Variants in CARS1 observed in about 807,000 individuals in gnomAD.
The protein encoded by CARS1 is cysteine--tRNA ligase, cytoplasmic.
Under a neutral mutation model 106.2 loss-of-function variants are expected in CARS1, and 48 were observed. The observed-to-expected ratio is 0.45, with a 90% CI of 0.36 to 0.57. The LOEUF is 0.57. Among genes scored for constraint, CARS1 ranks in the 20% least tolerant of loss-of-function variants. CARS1 has a pLI of 0.00. For missense variants in CARS1, 968 were observed against 1,057.2 expected, an observed-to-expected ratio of 0.92 and a Z score of 1.17; for synonymous variants, 409 against 403.4, an observed-to-expected ratio of 1.01 and a Z score of -0.17.
intron 7 of CARS1, chr11:3,031,054 G>A (rs1419798302): frequency 6.6e-6 from 1 of 152,202 alleles, no homozygotes; most frequent in African/African-American, 2.4e-5. Context: ...CAACCCAGAG[G>A]AGAGGAGAGA....
Position 3,003,467 on chromosome 11 carries a change from G to A in CARS1, c.2218-867C>T, listed in dbSNP as rs902712054. 5.9e-5 allele frequency among the ~76,000 whole-genome samples: 9 copies of A among 152,206 alleles called. No homozygotes were observed. The highest frequency in any genetic ancestry group is 1.3e-4 in the Non-Finnish European group (9 of 68,026). On this transcript the variant is annotated intron_variant, in intron 20 of 22. Coordinates refer to ENST00000380525, the MANE Select transcript of CARS1 (RefSeq NM_001014437.3). This position sits in a 1 kb window ranked among gnomAD's most constrained non-coding sequence, Gnocchi z 4.8. ...CTGGCCCAGTGGAGCTATCAGGTAG[G>A]CAGCTGGGCAAACTGTTTTTGGGCC...
At chr11:3,010,395 G>A (rs748508465) in intron 18 of CARS1, among the ~76,000 whole-genome samples, 17 of 152,238 alleles carry the variant, frequency 1.1e-4, no homozygotes, top group African/African-American at 7.2e-5. Flanking sequence ...CGACCCCAGC[G>A]ATGCCGCTAA....
intron 2 of CARS1, among the ~76,000 whole-genome samples, chr11:3,047,239 T>C (rs963915962): frequency 7.2e-6 from 1 of 138,512 alleles, no homozygotes; most frequent in African/African-American, 2.8e-5. Context: ...ATCGCACCAC[T>C]GCACTCCAGC....
At position 3,032,723 on chromosome 11, in the gene CARS1, G is replaced by A. The variant is rs545516551; in HGVS notation, c.802-3280C>T. The stretch of plus-strand genomic sequence containing the variant: ...GGCAAAACTACGGAGACAGTAGAAA[G>A]ACTAGCTGCTGTCAGGAGTTGGGGT... On this transcript the variant is annotated intron_variant, in intron 7 of 22. Transcript: ENST00000380525. 1.3e-5 allele frequency among the ~76,000 whole-genome samples: 2 copies of A among 152,144 alleles called. 1 individual carries two copies. Among genetic ancestry groups the A allele is most frequent in the South Asian group, 4.2e-4 (2 of 4,800 alleles).
At chr11:3,005,742 C>T (rs979223396) in intron 19 of CARS1, among the ~76,000 whole-genome samples, 7 of 151,110 alleles carry the variant, frequency 4.6e-5, no homozygotes, top group African/African-American at 1.2e-4. Context: ...AAGCAATTCT[C>T]GTGTCTCAGC....
chr11:3,047,928 G>A lies in CARS1; in HGVS notation c.99C>T (p.Ser33=), dbSNP rs1855276541. The change falls in exon 2 of 23, where the codon AGC becomes AGT. Residue 33 remains serine (S), a synonymous_variant. Coordinates refer to ENST00000380525, the MANE Select transcript of CARS1 (RefSeq NM_001014437.3). ...AGTACCCCTGGACATAGCTACGCGT[G>A]CTGAGGTGCTCGTTCAGGGCTTGTG... ...ARAQALNEHL[S]TRSYVQGYSL... is the part of the protein sequence containing the mutation. The A allele has an allele frequency of 6.2e-7, 1 of 1,614,174 alleles. No individual in the cohort carries two copies.
chr11:3,056,008 C>T (rs926418071), intron 1 of CARS1, among the ~76,000 whole-genome samples: 4 of 152,146 alleles, frequency 2.6e-5, no homozygotes, highest in African/African-American at 9.7e-5. Flanking sequence ...TTCTGAGGGC[C>T]GCTTGGCTCT....
rs59830390 is a variant in CARS1 at position 3,041,809 on chromosome 11, G to GTGCC, written c.366+352_366+355dup. Among the ~76,000 whole-genome samples the GTGCC allele has an allele frequency of 0.041, 6,222 of 152,176 alleles. 428 individuals carry two copies. Among genetic ancestry groups the GTGCC allele is most frequent in the African/African-American group, 0.14 (5,860 of 41,452 alleles). On this transcript the variant is annotated intron_variant, in intron 3 of 22. Coordinates refer to ENST00000380525, the MANE Select transcript of CARS1 (RefSeq NM_001014437.3). This position sits in a 1 kb window ranked among gnomAD's most constrained non-coding sequence, Gnocchi z 4.9. ...TTGTCCATCCTGCTTGGCTCATACA[G>GTGCC]TGCCACCTGCTGCAACCACGCGTCC...
intron 21 of CARS1, 98 bp downstream of exon 21, chr11:3,002,443 C>A (rs1849477230): frequency 5.7e-6 from 9 of 1,567,024 alleles, no homozygotes; most frequent in Non-Finnish European, 6.9e-6. Context: ...TCTGCAGGGG[C>A]CTGGCTAAGG....
At chr11:3,010,240 G>C (rs1850320294) in intron 18 of CARS1, among the ~76,000 whole-genome samples, 1 of 152,222 alleles carries the variant, frequency 6.6e-6, no homozygotes, top group African/African-American at 2.4e-5. Context: ...GCCCTCCCGG[G>C]GCTGTGGCAT....
In CARS1 at chr11:3,022,520, G is replaced by A. The variant is rs918332980; in HGVS notation, c.1154-2188C>T. Among the ~76,000 whole-genome samples, 7 of 152,134 alleles carry A rather than the reference G, an allele frequency of 4.6e-5. No homozygotes were observed. Among genetic ancestry groups the A allele is most frequent in the East Asian group, 1.9e-4 (1 of 5,190 alleles). On this transcript the variant is annotated intron_variant, in intron 10 of 22. Transcript: ENST00000380525. The surrounding 1 kb of genome is among the most constrained non-coding windows in gnomAD (Gnocchi z 4.9). ...CTTCTACGGCAACCCCTGGTATCCCGGTATACTGACTCGCTGTGCATTGGG... is the reference window on the plus strand; with the variant it reads ...CTTCTACGGCAACCCCTGGTATCCCAGTATACTGACTCGCTGTGCATTGGG...
At chr11:3,042,438 T>TG in intron 2 of CARS1, 182 bp from the exon 3 acceptor site, 2 of 569,220 alleles carry the variant, frequency 3.5e-6, no homozygotes, top group Non-Finnish European at 6.2e-6. Context: ...GTCTTTTTTT[T>TG]TTTTTAGACG....
Position 3,042,346 on chromosome 11 carries a change from G to A in CARS1, c.275-90C>T, listed in dbSNP as rs769488305. ...CACCTGGAGACTTGGTTTTTACAAC[G>A]GGACCATAGTTTTCCATGAAATTTA... On this transcript the variant is annotated intron_variant, in intron 2 of 22. Transcript: ENST00000380525. The A allele has an allele frequency of 9.4e-5, 77 of 822,222 alleles. 1 individual carries two copies. Among genetic ancestry groups the A allele is most frequent in the South Asian group, 3.4e-4 (22 of 65,544 alleles). 50.9% of individuals were successfully genotyped at this position (822,222 alleles called of 1,614,324 possible).
chr11:3,018,788 T>C, intron 12 of CARS1, 39 bp from the exon 13 acceptor site: 3 of 1,597,864 alleles, frequency 1.9e-6, no homozygotes, highest in Middle Eastern at 3.6e-4. Flanking sequence ...CAGTCATGTG[T>C]TACTGGGGCC....
chr11:3,053,379 C>A lies in CARS1; in HGVS notation c.25+3964G>T, dbSNP rs547557654. Among the ~76,000 whole-genome samples, 1 of 152,044 alleles carries A rather than the reference C, an allele frequency of 6.6e-6. No individual in the cohort carries two copies. Among genetic ancestry groups the A allele is most frequent in the Admixed American group, 6.6e-5 (1 of 15,262 alleles). ...CCGAGTAGCTGGGATTACAGGTGCCCGCCACCATGCCCAGCTAATTTTTGT... is the reference window on the plus strand; with the variant it reads ...CCGAGTAGCTGGGATTACAGGTGCCAGCCACCATGCCCAGCTAATTTTTGT... On this transcript the variant is annotated intron_variant, in intron 1 of 22. Coordinates refer to ENST00000380525, the MANE Select transcript of CARS1 (RefSeq NM_001014437.3). This position sits in a 1 kb window ranked among gnomAD's most constrained non-coding sequence, Gnocchi z 6.6.
intron 16 of CARS1, 107 bp downstream of exon 16, chr11:3,016,999 C>T: frequency 1.1e-6 from 1 of 881,048 alleles, no homozygotes. Context: ...TGCTGGGCAC[C>T]AGGCACAGCA....
intron 19 of CARS1, 136 bp from the exon 20 acceptor site, chr11:3,005,569 CA>C (rs1404951095): frequency 3.3e-6 from 2 of 606,026 alleles, no homozygotes; most frequent in Non-Finnish European, 5.9e-6. Flanking sequence ...AGGAGAAAAA[CA>C]AACAAAAACC....
chr11:3,015,590 C>T (rs1188239397), intron 17 of CARS1, among the ~76,000 whole-genome samples, 191 bp downstream of exon 17: 1 of 152,206 alleles, frequency 6.6e-6, no homozygotes, highest in Non-Finnish European at 1.5e-5. Context: ...CCAAAGCAGA[C>T]CCTCCACACC....
At chr11:3,056,506 T>C (rs1057282580) in intron 1 of CARS1, among the ~76,000 whole-genome samples, 2 of 152,300 alleles carry the variant, frequency 1.3e-5, no homozygotes, top group African/African-American at 4.8e-5. Flanking sequence ...CACAGCTGTG[T>C]CCCTGGGGAA....
Sources: allele counts gnomAD v4.1 joint callset (sites outside exome capture counted in the v4.1 genomes callset), GRCh38; gene constraint gnomAD v4.1.1; non-coding constraint Gnocchi (gnomAD v3.1); transcripts MANE v1.5; gene names NCBI Gene and HGNC (gene_info 2026-07-23, HGNC 2026-07-21).